B3GALT1: variants seen among roughly 807,000 people sequenced by gnomAD.
The protein encoded by B3GALT1 is beta-1,3-galactosyltransferase 1.
A neutral mutation model predicts 23.2 loss-of-function variants in B3GALT1; 10 were observed. The ratio of observed to expected loss-of-function variants is 0.43; its 90% confidence interval spans 0.27 to 0.73. The LOEUF (loss-of-function observed/expected upper bound fraction) is 0.73. B3GALT1 is among the 30% of genes least tolerant of loss of function. B3GALT1 has a pLI of 0.21. For missense variants in B3GALT1, 299 were observed against 405.4 expected, an observed-to-expected ratio of 0.74 and a Z score of 2.25; for synonymous variants, 156 against 141.5, an observed-to-expected ratio of 1.10 and a Z score of -0.73.
intron 3 of B3GALT1, among the ~76,000 whole-genome samples, chr2:167,747,073 G>T (rs1301113781): frequency 6.6e-6 from 1 of 152,016 alleles, no homozygotes; most frequent in South Asian, 2.1e-4. Context: ...AAAGCATTGT[G>T]TCGACATTTT....
chr2:167,837,975 C>T (rs1451088109), intron 4 of B3GALT1, among the ~76,000 whole-genome samples: 1 of 151,850 alleles, frequency 6.6e-6, no homozygotes, highest in Admixed American at 6.6e-5. Flanking sequence ...TCTTTGAAAC[C>T]AATGAGAACA....
chr2:167,577,846 A>G (rs1684411773), intron 2 of B3GALT1, among the ~76,000 whole-genome samples: 1 of 151,898 alleles, frequency 6.6e-6, no homozygotes. Flanking sequence ...TAGCTACTCT[A>G]TATTAATTTA....
intron 1 of B3GALT1, among the ~76,000 whole-genome samples, chr2:167,440,248 C>A (rs921565883): frequency 1.4e-5 from 2 of 144,386 alleles, no homozygotes; most frequent in Non-Finnish European, 3.0e-5. Flanking sequence ...GAGGGTGAGG[C>A]GGGAGAATGG....
chr2:167,839,781 C>T (rs1355744217), intron 4 of B3GALT1, among the ~76,000 whole-genome samples: 1 of 152,242 alleles, frequency 6.6e-6, no homozygotes, highest in Non-Finnish European at 1.5e-5. Flanking sequence ...TCAAACTATA[C>T]TACAAGGCTA....
intron 1 of B3GALT1, among the ~76,000 whole-genome samples, chr2:167,345,382 A>T (rs545145178): frequency 6.6e-6 from 1 of 152,280 alleles, no homozygotes; most frequent in East Asian, 1.9e-4. Context: ...CCCTAAAAAA[A>T]GATAACTGAA....
At chr2:167,511,188 CATTA>C (rs1219921086) in intron 2 of B3GALT1, among the ~76,000 whole-genome samples, 1 of 152,086 alleles carries the variant, frequency 6.6e-6, no homozygotes, top group Non-Finnish European at 1.5e-5. Flanking sequence ...TTCATTCATC[CATTA>C]AGTAATTAAA....
chr2:167,613,380 A>G (rs897207852), intron 2 of B3GALT1, among the ~76,000 whole-genome samples: 7 of 151,640 alleles, frequency 4.6e-5, no homozygotes, highest in Non-Finnish European at 1.5e-5. Flanking sequence ...ATTTTATGGC[A>G]TTGAAAGCTA....
At chr2:167,814,536 C>T (rs957919474) in intron 3 of B3GALT1, among the ~76,000 whole-genome samples, 4 of 151,916 alleles carry the variant, frequency 2.6e-5, no homozygotes, top group South Asian at 2.1e-4. Flanking sequence ...CTGAGGCAGG[C>T]GGATCAGGAG....
chr2:167,492,169 TG>T (rs568961990), intron 2 of B3GALT1, among the ~76,000 whole-genome samples: 66 of 152,352 alleles, frequency 4.3e-4, no homozygotes, highest in African/African-American at 1.5e-3. Flanking sequence ...TGGCAATCTC[TG>T]ATCTTTTTAC....
chr2:167,830,247 C>G (rs915590162), intron 4 of B3GALT1, among the ~76,000 whole-genome samples: 20 of 152,102 alleles, frequency 1.3e-4, no homozygotes, highest in Admixed American at 1.0e-3. Flanking sequence ...TCACTAAGGC[C>G]GGGTCTTTTT....
At chr2:167,740,261 A>C (rs938423046) in intron 3 of B3GALT1, among the ~76,000 whole-genome samples, 12 of 152,138 alleles carry the variant, frequency 7.9e-5, no homozygotes, top group Non-Finnish European at 1.8e-4. Context: ...CAGTGAAGGT[A>C]GATGGTACCT....
At chr2:167,667,768 G>A (rs920126391) in intron 3 of B3GALT1, among the ~76,000 whole-genome samples, 27 of 152,182 alleles carry the variant, frequency 1.8e-4, no homozygotes, top group East Asian at 5.8e-4. Context: ...CATTCTTCAC[G>A]TAGTTCTCGA....
At chr2:167,739,927 C>CAAAAA (rs1291441484) in intron 3 of B3GALT1, among the ~76,000 whole-genome samples, 4 of 66,748 alleles carry the variant, frequency 6.0e-5, no homozygotes, top group Admixed American at 1.5e-4. Context: ...GTTGTCTCTA[C>CAAAAA]AAAAAAACAA....
chr2:167,448,438 T>C (rs1699037249), intron 1 of B3GALT1, among the ~76,000 whole-genome samples: 1 of 152,210 alleles, frequency 6.6e-6, no homozygotes, highest in Non-Finnish European at 1.5e-5. Context: ...TTAATGTCCT[T>C]AGCTCAATTT....
At chr2:167,453,531 T>A (rs955775301) in intron 1 of B3GALT1, among the ~76,000 whole-genome samples, 5 of 152,098 alleles carry the variant, frequency 3.3e-5, no homozygotes, top group African/African-American at 1.2e-4. Flanking sequence ...TGAAACATGG[T>A]TGTTTAGAAG....
At chr2:167,502,222 G>T (rs1264090380) in intron 2 of B3GALT1, among the ~76,000 whole-genome samples, 1 of 152,076 alleles carries the variant, frequency 6.6e-6, no homozygotes, top group African/African-American at 2.4e-5. Flanking sequence ...AAAGAACAAG[G>T]TAAGATGAGC....
intron 1 of B3GALT1, among the ~76,000 whole-genome samples, chr2:167,451,845 G>C (rs1699097134): frequency 6.6e-6 from 1 of 152,194 alleles, no homozygotes; most frequent in Non-Finnish European, 1.5e-5. Context: ...GACTCTCCTT[G>C]GACAGGGCTT....
intron 2 of B3GALT1, among the ~76,000 whole-genome samples, chr2:167,634,512 AG>A (rs1332224599): frequency 6.6e-6 from 1 of 151,956 alleles, no homozygotes; most frequent in African/African-American, 2.4e-5. Flanking sequence ...AAATGATAAA[AG>A]GGATATCACA....
intron 1 of B3GALT1, among the ~76,000 whole-genome samples, chr2:167,456,960 A>C (rs1264330794): frequency 1.3e-5 from 2 of 152,152 alleles, no homozygotes; most frequent in African/African-American, 2.4e-5. Flanking sequence ...TTGGAGGTCA[A>C]AGAGTGGGGC....
Sources: allele counts gnomAD v4.1 joint callset (sites outside exome capture counted in the v4.1 genomes callset), GRCh38; gene constraint gnomAD v4.1.1; transcripts MANE v1.5; gene names NCBI Gene and HGNC (gene_info 2026-07-23, HGNC 2026-07-21).